Variants in SHQ1 observed in about 807,000 individuals in gnomAD.
The protein encoded by SHQ1 is SHQ1, H/ACA ribonucleoprotein assembly factor.
In SHQ1, 49 loss-of-function variants were observed where a neutral mutation model predicts 53.8. The observed-to-expected ratio is 0.91, with a 90% confidence interval of 0.72 to 1.16. The LOEUF is 1.16. Ranked by LOEUF, SHQ1 falls within the 50% of genes most tolerant of loss-of-function variation. SHQ1 has a pLI of 0.00. For synonymous variants in SHQ1, 243 were observed against 251.0 expected, an observed-to-expected ratio of 0.97 and a Z score of 0.30; for missense variants, 738 against 683.1, an observed-to-expected ratio of 1.08 and a Z score of -0.90.
At chr3:72,810,116 A>T (rs1032220877) in intron 9 of SHQ1, among the ~76,000 whole-genome samples, 2 of 152,226 alleles carry the variant, frequency 1.3e-5, no homozygotes, top group African/African-American at 4.8e-5. Context: ...CAGAGGCAAT[A>T]AAAGTTGAAG....
chr3:72,730,079 A>T, the SHQ1 span, among the ~76,000 whole-genome samples: 1 of 151,990 alleles, frequency 6.6e-6, no homozygotes, highest in Non-Finnish European at 1.5e-5. Context: ...CGGCTTCCCA[A>T]AGTGCTGGAA....
At chr3:72,807,061 G>T (rs1251208646) in intron 9 of SHQ1, among the ~76,000 whole-genome samples, 1 of 152,150 alleles carries the variant, frequency 6.6e-6, no homozygotes, top group Non-Finnish European at 1.5e-5. Flanking sequence ...TTCAAAATAT[G>T]TGTTGAACAA....
At chr3:72,841,965 G>A (rs534293350) in intron 3 of SHQ1, among the ~76,000 whole-genome samples, 2 of 152,318 alleles carry the variant, frequency 1.3e-5, no homozygotes, top group East Asian at 3.9e-4. Flanking sequence ...TCTGCAACCT[G>A]AGGGTTGGGG....
At chr3:72,764,335 C>T (rs1196714669) in intron 10 of SHQ1, among the ~76,000 whole-genome samples, 1 of 152,094 alleles carries the variant, frequency 6.6e-6, no homozygotes, top group African/African-American at 2.4e-5. Context: ...GCATGAGCCA[C>T]GGTGCCCAGA....
At chr3:72,748,971 G>GCACA (rs34002344), downstream of SHQ1, among the ~76,000 whole-genome samples, 3,201 of 144,136 alleles carry the variant, frequency 0.022, 84 homozygotes, top group Middle Eastern at 0.058. Flanking sequence ...ACACGCACAC[G>GCACA]CACACACACA....
In SHQ1 at chr3:72,812,415, C is replaced by A. The variant is rs144224913; in HGVS notation, c.1060+256G>T. Reference sequence around the variant, plus strand: ...ATGATGCAGCTATTATAATGTAAAACGGTTTGCAATACTATGTGTGCCTTC... The same window carrying A: ...ATGATGCAGCTATTATAATGTAAAAAGGTTTGCAATACTATGTGTGCCTTC... On this transcript the variant is annotated intron_variant, in intron 9 of 10. Transcript: ENST00000325599. Among the ~76,000 whole-genome samples the A allele has an allele frequency of 3.5e-3, 528 of 152,270 alleles. 5 individuals carry two copies. The highest frequency in any genetic ancestry group is 0.012 in the African/African-American group (507 of 41,554).
rs758045407 is a variant in SHQ1 at position 72,812,683 on chromosome 3, T to C, written c.1048A>G (p.Ile350Val). The change falls in exon 9 of 11, where the codon ATA becomes GTA. Residue 350 changes from isoleucine to valine, a missense_variant. Physicochemically the swap from Ile to Val is conservative, Grantham distance 29. Coordinates refer to ENST00000325599, the MANE Select transcript of SHQ1 (RefSeq NM_018130.3). ...VMKAYRDTIK[I>V]LQLGKSAVLK... ...AGTAATATCTTACCCAGTTGCAATA[T>C]CTTTATAGTGTCCCTGTAGGCCTTC... The C allele has an allele frequency of 7.4e-6, 12 of 1,613,976 alleles. No homozygotes were observed. Among genetic ancestry groups the C allele is most frequent in the Middle Eastern group, 1.6e-4 (1 of 6,082 alleles).
chr3:72,828,171 T>C (rs887234509), intron 5 of SHQ1, among the ~76,000 whole-genome samples: 1 of 152,030 alleles, frequency 6.6e-6, no homozygotes, highest in African/African-American at 2.4e-5. Context: ...ACTCCACAAT[T>C]TAAGGAGAAC....
At chr3:72,730,463 C>T in the SHQ1 span, among the ~76,000 whole-genome samples, 1 of 152,166 alleles carries the variant, frequency 6.6e-6, no homozygotes, top group Non-Finnish European at 1.5e-5. Flanking sequence ...GATATAGGTA[C>T]ACTGGATACT....
chr3:72,819,984 G>T (rs538442362), intron 6 of SHQ1, among the ~76,000 whole-genome samples: 3 of 152,274 alleles, frequency 2.0e-5, no homozygotes, highest in South Asian at 4.1e-4. Flanking sequence ...TTTTTGAGAT[G>T]TTCATTAATT....
chr3:72,747,839 A>T (rs764908032), downstream of SHQ1, among the ~76,000 whole-genome samples: 17 of 148,974 alleles, frequency 1.1e-4, no homozygotes, highest in Non-Finnish European at 2.1e-4. Context: ...AATACAAAAA[A>T]TTAGCCAGGT....
At chr3:72,833,633 G>T (rs565559371) in intron 4 of SHQ1, among the ~76,000 whole-genome samples, 38 of 152,032 alleles carry the variant, frequency 2.5e-4, no homozygotes, top group Non-Finnish European at 4.7e-4. Context: ...TGTAAAAGTC[G>T]AATCCTAAGA....
chr3:72,742,451 G>C, the SHQ1 span, among the ~76,000 whole-genome samples: 2 of 151,990 alleles, frequency 1.3e-5, no homozygotes, highest in Middle Eastern at 3.4e-3. Context: ...ATGGGAAACA[G>C]GACCTCATGT....
intron 8 of SHQ1, among the ~76,000 whole-genome samples, chr3:72,813,600 A>G (rs953102903): frequency 1.6e-4 from 25 of 151,780 alleles, no homozygotes; most frequent in African/African-American, 6.0e-4. Context: ...CGTCTCTACT[A>G]AAACTACAAA....
the SHQ1 span, among the ~76,000 whole-genome samples, chr3:72,741,824 TAA>T: frequency 6.6e-6 from 1 of 152,024 alleles, no homozygotes; most frequent in Non-Finnish European, 1.5e-5. Flanking sequence ...TAAAATACAA[TAA>T]AAAATGCATA....
chr3:72,763,086 G>C (rs913795844), intron 10 of SHQ1, among the ~76,000 whole-genome samples: 1 of 149,720 alleles, frequency 6.7e-6, no homozygotes, highest in Non-Finnish European at 1.5e-5. Flanking sequence ...GAGAGAGAGA[G>C]AAATGCTTTA....
chr3:72,774,118 C>A (rs985130485), intron 10 of SHQ1, among the ~76,000 whole-genome samples: 1 of 152,164 alleles, frequency 6.6e-6, no homozygotes, highest in Non-Finnish European at 1.5e-5. Context: ...ATTAGTGATA[C>A]ATTTTAACCT....
intron 6 of SHQ1, among the ~76,000 whole-genome samples, chr3:72,823,040 T>C (rs1007725441): frequency 6.6e-6 from 1 of 151,634 alleles, no homozygotes; most frequent in Non-Finnish European, 1.5e-5. Context: ...TCCCAGCTAC[T>C]TGGGAGGCTG....
intron 6 of SHQ1, among the ~76,000 whole-genome samples, chr3:72,818,788 G>A (rs1256272171): frequency 6.6e-6 from 1 of 152,144 alleles, no homozygotes; most frequent in Non-Finnish European, 1.5e-5. Context: ...GATGTCACAT[G>A]GTGAAGTGAG....
Sources: gnomAD v4.1 joint callset for allele counts (sites outside exome capture counted in the v4.1 genomes callset) on GRCh38, gnomAD v4.1.1 for gene constraint, MANE v1.5 for transcripts, NCBI Gene and HGNC (gene_info 2026-07-23, HGNC 2026-07-21) for gene names.